SDK1: variants seen among roughly 807,000 people sequenced by gnomAD.
SDK1 encodes the protein protein sidekick-1.
SDK1 carries 157 observed loss-of-function variants against 245.5 expected under a neutral mutation model. The ratio of observed to expected loss-of-function variants is 0.64; its 90% CI spans 0.56 to 0.73. The LOEUF is 0.73. Among genes scored for constraint, SDK1 ranks in the 30% least tolerant of loss-of-function variants. The pLI, the probability that SDK1 is intolerant of heterozygous loss-of-function variation, is 0.00. For synonymous variants in SDK1, 1,647 were observed against 1,278.5 expected (o/e 1.29, Z -6.15); for missense variants, 3,583 against 3,002.3 (o/e 1.19, Z -4.52).
At chr7:3,784,616 A>C (rs1296015845) in intron 4 of SDK1, among the ~76,000 whole-genome samples, 1 of 152,248 alleles carries the variant, frequency 6.6e-6, no homozygotes, top group Non-Finnish European at 1.5e-5. Context: ...AGAAATGGTC[A>C]CATCAGAAAT....
intron 5 of SDK1, among the ~76,000 whole-genome samples, chr7:3,918,828 T>G (rs561138333): frequency 2.6e-5 from 4 of 152,066 alleles, no homozygotes; most frequent in Non-Finnish European, 5.9e-5. Flanking sequence ...TTGGCCCCAT[T>G]TATCCTCTGA....
chr7:3,868,958 G>C (rs1285959498), intron 5 of SDK1, among the ~76,000 whole-genome samples: 2 of 152,104 alleles, frequency 1.3e-5, no homozygotes, highest in African/African-American at 4.8e-5. Context: ...ACATTACATT[G>C]TTGGAAGGCA....
chr7:3,912,586 C>T (rs1420861718), intron 5 of SDK1, among the ~76,000 whole-genome samples: 1 of 152,234 alleles, frequency 6.6e-6, no homozygotes, highest in Non-Finnish European at 1.5e-5. Context: ...AAGCCAACCA[C>T]CCACAACTCC....
At chr7:3,465,392 CATA>C (rs1174182257) in intron 1 of SDK1, among the ~76,000 whole-genome samples, 2 of 152,156 alleles carry the variant, frequency 1.3e-5, no homozygotes, top group African/African-American at 4.8e-5. Flanking sequence ...GCATATGAAA[CATA>C]ATGAGTAACG....
intron 1 of SDK1, among the ~76,000 whole-genome samples, chr7:3,402,994 G>C (rs1778930025): frequency 6.6e-6 from 1 of 151,958 alleles, no homozygotes; most frequent in Non-Finnish European, 1.5e-5. Context: ...GAGTGCAGTG[G>C]TGCTATCTCG....
In SDK1 at chr7:3,991,327, T is replaced by C. The variant is rs373476131; in HGVS notation, c.2131+4005T>C. On this transcript the variant is annotated intron_variant, in intron 14 of 44. Coordinates refer to ENST00000404826, the MANE Select transcript of SDK1 (RefSeq NM_152744.4). ...TGGGAAAGTTCTTCCTCCTTCTTGG[T>C]GGCTTGGATCAAATATCACTTCTGC... 8.1e-4 allele frequency among the ~76,000 whole-genome samples: 123 copies of C among 152,254 alleles called. 1 individual carries two copies. Among genetic ancestry groups the C allele is most frequent in the African/African-American group, 2.9e-3 (122 of 41,538 alleles).
rs1457295458 is a variant in SDK1, at chr7:3,723,816, GTACATA to G, written c.713+81722_713+81727del. ...TATACATATACACGTGTATATACAC[GTACATA>G]TACATATACACGTGTATATACACGT... On this transcript the variant is annotated intron_variant, in intron 4 of 44. Coordinates refer to ENST00000404826, the MANE Select transcript of SDK1 (RefSeq NM_152744.4). Among the ~76,000 whole-genome samples the G allele has an allele frequency of 7.6e-5, 11 of 145,160 alleles. No individual in the cohort carries two copies. In the East Asian group the frequency reaches 1.0e-3, roughly 13 times the overall value.
At chr7:3,495,621 C>G (rs1435977648) in intron 1 of SDK1, among the ~76,000 whole-genome samples, 2 of 152,194 alleles carry the variant, frequency 1.3e-5, no homozygotes, top group African/African-American at 2.4e-5. Context: ...TGAAATTACT[C>G]TTCTTAAAAA....
intron 35 of SDK1, among the ~76,000 whole-genome samples, chr7:4,202,342 C>T (rs1023127741): frequency 2.6e-5 from 4 of 152,240 alleles, no homozygotes; most frequent in Non-Finnish European, 4.4e-5. Flanking sequence ...CTGGTCCCTC[C>T]CGCTGCCGCC....
chr7:4,088,489 A>T (rs1781568381), intron 22 of SDK1, among the ~76,000 whole-genome samples: 1 of 152,076 alleles, frequency 6.6e-6, no homozygotes, highest in Non-Finnish European at 1.5e-5. Flanking sequence ...TAGGCTTTTT[A>T]AAAAATATAT....
intron 25 of SDK1, among the ~76,000 whole-genome samples, chr7:4,127,099 T>C (rs1002932005): frequency 1.3e-5 from 2 of 152,196 alleles, no homozygotes; most frequent in Non-Finnish European, 2.9e-5. Context: ...GTCTGCAGTT[T>C]CCACAAGTTA....
At chr7:3,590,300 C>CTTTTTT (rs200303832) in intron 1 of SDK1, among the ~76,000 whole-genome samples, 438 of 96,126 alleles carry the variant, frequency 4.6e-3, no homozygotes, top group Non-Finnish European at 6.2e-3. Context: ...TTTCCTGTTC[C>CTTTTTT]TTTTTTTTTT....
chr7:3,730,722 A>C (rs1019603827), intron 4 of SDK1, among the ~76,000 whole-genome samples: 2 of 152,170 alleles, frequency 1.3e-5, no homozygotes, highest in Non-Finnish European at 2.9e-5. Flanking sequence ...CCAGGAAACT[A>C]TCAAGAGTAA....
At chr7:3,481,451 T>C (rs1408361522) in intron 1 of SDK1, among the ~76,000 whole-genome samples, 1 of 152,252 alleles carries the variant, frequency 6.6e-6, no homozygotes, top group Admixed American at 6.5e-5. Context: ...ATATGCCCTC[T>C]ACACGCTGTT....
rs146991272 is a variant in SDK1 at position 3,411,452 on chromosome 7, T to C, written c.298+109568T>C. ...GAATCAGGAACTGAAATTTGGGGTG[T>C]AGATTTATTCCTTTGACTTTCTCTC... On this transcript the variant is annotated intron_variant, in intron 1 of 44. Coordinates refer to ENST00000404826, the MANE Select transcript of SDK1 (RefSeq NM_152744.4). Among the ~76,000 whole-genome samples the C allele has an allele frequency of 2.0e-5, 3 of 152,292 alleles. No homozygotes were observed. In the East Asian group the frequency reaches 5.8e-4, roughly 29 times the overall value.
chr7:3,562,869 G>GAAATACTTATATATGAAGGGAAGC (rs1779790026), intron 1 of SDK1, among the ~76,000 whole-genome samples: 2 of 29,440 alleles, frequency 6.8e-5, no homozygotes, highest in Non-Finnish European at 1.2e-4. Flanking sequence ...ATGCTGGGAG[G>GAAATACTTATATATGAAGGGAAGC]AAATACTTAA....
intron 5 of SDK1, among the ~76,000 whole-genome samples, chr7:3,828,210 G>A (rs1213455370): frequency 6.6e-6 from 1 of 151,950 alleles, no homozygotes; most frequent in Non-Finnish European, 1.5e-5. Context: ...CCTGGGAAGT[G>A]AAGGCTGCAG....
In SDK1 at chr7:4,237,799, C is replaced by G. The variant is rs200341240; in HGVS notation, c.6130+15C>G. On this transcript the variant is annotated intron_variant, in intron 42 of 44. Coordinates refer to ENST00000404826, the MANE Select transcript of SDK1 (RefSeq NM_152744.4). Reference sequence around the variant, plus strand: ...CTGCAGCACAGGTGCAGGTCCAGCCCCTTCCTCGCGTGTCCCACGATGCCA... The same window carrying G: ...CTGCAGCACAGGTGCAGGTCCAGCCGCTTCCTCGCGTGTCCCACGATGCCA... 6.5e-4 allele frequency: 1,053 copies of G among 1,613,940 alleles called. 2 individuals carry two copies. The highest frequency in any genetic ancestry group is 6.6e-4 in the Non-Finnish European group (777 of 1,179,872).
rs1583214030 is a variant in SDK1, at chr7:4,268,345, C to T, written c.*2961C>T. The T allele has an allele frequency of 2.9e-6, 3 of 1,042,914 alleles. No individual in the cohort carries two copies. In the East Asian group the frequency reaches 2.7e-4, roughly 94 times the overall value. The allele number at this position is 1,042,914 out of a possible 1,614,324, so 64.6% of individuals were successfully genotyped here. A position where few individuals can be genotyped will look rare whatever the true frequency, so the allele number is the denominator to read the frequency against. ...GGCAGGTGAGCCCAGAGAGAGCTGC[C>T]AGGCCACACCCCCTCGGCCTCCTGC... On this transcript the variant is annotated 3_prime_UTR_variant, in exon 45 of 45. Transcript: ENST00000404826.
Sources: allele counts gnomAD v4.1 joint callset (sites outside exome capture counted in the v4.1 genomes callset), GRCh38; gene constraint gnomAD v4.1.1; transcripts MANE v1.5; gene names NCBI Gene and HGNC (gene_info 2026-07-23, HGNC 2026-07-21).